The following ARMH3 variants were observed in gnomAD, a reference collection of about 807,000 sequenced individuals.
The protein encoded by ARMH3 is armadillo like helical domain containing 3.
Under a neutral mutation model 99.1 loss-of-function variants are expected in ARMH3, and 60 were observed. The observed-to-expected ratio is 0.61, with a 90% CI of 0.49 to 0.75. The LOEUF (loss-of-function observed/expected upper bound fraction) is 0.75, where lower values mean the gene tolerates loss of function less well. Ranked by LOEUF, ARMH3 falls within the 30% of genes least tolerant of loss-of-function variation. The pLI is 0.00. For synonymous variants in ARMH3, 285 were observed against 292.8 expected, an observed-to-expected ratio of 0.97 and a Z score of 0.27; for missense variants, 679 against 843.1, an observed-to-expected ratio of 0.81 and a Z score of 2.41.
At position 102,025,206 on chromosome 10, in the gene ARMH3, A is replaced by T. The variant is rs1393997613; in HGVS notation, c.457T>A (p.Ser153Thr). The T allele has an allele frequency of 2.5e-6, 4 of 1,613,914 alleles. No individual in the cohort carries two copies. ...AGACATAAACTCTTCAGACTTTCAG[A>T]ACCTTCTGCACAAAGCAATGAATCC... is the stretch of plus-strand genomic sequence containing the variant. ...SLDSLLCAEG[S>T]ESLKSLCLKL... Residue 153 changes from serine (S) to threonine (T), a missense_variant, in exon 6 of 26, where the codon TCT becomes ACT. This residue lies in a region of ARMH3 where 280 missense variants were observed against 354.6 expected (regional missense o/e 0.79). Coordinates refer to ENST00000370033, the MANE Select transcript of ARMH3 (RefSeq NM_024541.3).
chr10:101,861,521 A>G (rs1475284048), intron 24 of ARMH3, among the ~76,000 whole-genome samples: 1 of 151,932 alleles, frequency 6.6e-6, no homozygotes, highest in Non-Finnish European at 1.5e-5. Flanking sequence ...TCACGAGGGC[A>G]GGAGTTTGAG....
intron 24 of ARMH3, among the ~76,000 whole-genome samples, chr10:101,857,030 C>A (rs910047469): frequency 3.9e-5 from 6 of 151,926 alleles, no homozygotes; most frequent in African/African-American, 1.2e-4. Flanking sequence ...AAGTCTGGAC[C>A]ACAAAGTAGG....
Position 101,957,715 on chromosome 10 carries a change from T to C in ARMH3, c.1513A>G (p.Lys505Glu). ...ACAGTCTCATTTGACATAAGGAACT[T>C]CAGCAAATTTATCAAGGCTTTAAAA... ...ELWSALINLL[K>E]FLMSNETVLL... is the part of the protein sequence containing the mutation. The change falls in exon 21 of 26, where the codon AAG becomes GAG. Residue 505 changes from lysine to glutamate, a missense_variant. Lys to Glu is a moderately conservative substitution (Grantham distance 56). Transcript: ENST00000370033. 1 of 1,577,680 alleles carries C rather than the reference T, an allele frequency of 6.3e-7. No homozygotes were observed.
At chr10:102,002,725 C>T (rs1490587642) in intron 14 of ARMH3, among the ~76,000 whole-genome samples, 2 of 151,952 alleles carry the variant, frequency 1.3e-5, no homozygotes, top group Non-Finnish European at 2.9e-5. Flanking sequence ...CTTTGGGAGC[C>T]CGAGTTGGGC....
chr10:102,014,930 T>A (rs1442267938), intron 8 of ARMH3, among the ~76,000 whole-genome samples: 1 of 152,102 alleles, frequency 6.6e-6, no homozygotes, highest in East Asian at 1.9e-4. Context: ...AGACTGGCAG[T>A]TTCTACAGCT....
intron 4 of ARMH3, among the ~76,000 whole-genome samples, chr10:102,030,764 TTTTTG>T (rs540897291): frequency 2.3e-3 from 356 of 152,166 alleles, no homozygotes; most frequent in African/African-American, 8.1e-3. Context: ...TTAACAGTTT[TTTTTG>T]TTTTGTTTTG....
At chr10:101,942,482 T>C (rs1235120051) in intron 22 of ARMH3, among the ~76,000 whole-genome samples, 1 of 152,216 alleles carries the variant, frequency 6.6e-6, no homozygotes, top group Non-Finnish European at 1.5e-5. Flanking sequence ...TCATTTATGG[T>C]TCTGGGTAGC....
intron 20 of ARMH3, among the ~76,000 whole-genome samples, chr10:101,958,485 C>T (rs951760577): frequency 1.3e-5 from 2 of 152,204 alleles, no homozygotes; most frequent in South Asian, 4.1e-4. Context: ...AAGAAGTTAT[C>T]AGTTACCTTA....
At chr10:101,920,103 T>C (rs1266791724) in intron 23 of ARMH3, among the ~76,000 whole-genome samples, 2 of 152,202 alleles carry the variant, frequency 1.3e-5, no homozygotes, top group African/African-American at 4.8e-5. Flanking sequence ...AAAGAGTCAA[T>C]GTGTCACTAA....
At chr10:101,938,586 T>G (rs1564771743) in intron 23 of ARMH3, among the ~76,000 whole-genome samples, 2 of 152,232 alleles carry the variant, frequency 1.3e-5, no homozygotes, top group African/African-American at 4.8e-5. Context: ...CATATGCACT[T>G]CATACCCTAG....
At chr10:101,896,469 C>T (rs1409214796) in intron 23 of ARMH3, among the ~76,000 whole-genome samples, 3 of 152,086 alleles carry the variant, frequency 2.0e-5, no homozygotes, top group Non-Finnish European at 4.4e-5. Context: ...GGGTTTCTTT[C>T]AGGGGGAACA....
chr10:101,987,781 A>G (rs879507673), intron 19 of ARMH3, among the ~76,000 whole-genome samples: 2 of 152,192 alleles, frequency 1.3e-5, no homozygotes, highest in Non-Finnish European at 2.9e-5. Context: ...ACTGAGGCTT[A>G]CCAACAACCA....
At chr10:101,857,383 A>G (rs1406210915) in intron 24 of ARMH3, among the ~76,000 whole-genome samples, 1 of 152,152 alleles carries the variant, frequency 6.6e-6, no homozygotes, top group Non-Finnish European at 1.5e-5. Flanking sequence ...GCTTGAACCC[A>G]AGAGGTTCAG....
At position 101,965,607 on chromosome 10, in the gene ARMH3, G is replaced by A. The variant is rs185603942; in HGVS notation, c.1496-7875C>T. The stretch of plus-strand genomic sequence containing the variant: ...CTGTTTCATCTGTTATACTTAATGA[G>A]GTTCCAAGTACTCTTAACTCTGCAC... On this transcript the variant is annotated intron_variant, in intron 20 of 25. Coordinates refer to ENST00000370033, the MANE Select transcript of ARMH3 (RefSeq NM_024541.3). Among the ~76,000 whole-genome samples the A allele has an allele frequency of 1.4e-4, 21 of 152,224 alleles. No individual in the cohort carries two copies. In the East Asian group the frequency reaches 4.0e-3, roughly 29 times the overall value.
In ARMH3 at chr10:101,915,866, C is replaced by A. The variant is rs992982497; in HGVS notation, c.1781+23997G>T. Among the ~76,000 whole-genome samples the A allele has an allele frequency of 1.0e-4, 15 of 149,766 alleles. 1 individual carries two copies. Among genetic ancestry groups the A allele is most frequent in the African/African-American group, 3.7e-4 (15 of 40,666 alleles). Reference sequence around the variant, plus strand: ...TCACCCAGGTTGGACTGCAGTGGCACTACCTCGGCTCACTGCAAGCTCCAC... The same window carrying A: ...TCACCCAGGTTGGACTGCAGTGGCAATACCTCGGCTCACTGCAAGCTCCAC... On this transcript the variant is annotated intron_variant, in intron 23 of 25. Coordinates refer to ENST00000370033, the MANE Select transcript of ARMH3 (RefSeq NM_024541.3).
intron 8 of ARMH3, among the ~76,000 whole-genome samples, chr10:102,014,643 G>T (rs78064475): frequency 6.6e-6 from 1 of 152,292 alleles, no homozygotes; most frequent in East Asian, 1.9e-4. Context: ...CTGAAAAAAA[G>T]GATGTAATTA....
chr10:102,022,370 T>G (rs2066904373), intron 8 of ARMH3, among the ~76,000 whole-genome samples: 1 of 150,282 alleles, frequency 6.7e-6, no homozygotes, highest in African/African-American at 2.4e-5. Context: ...TGGGCGCCTG[T>G]AGTCCCAGCT....
chr10:101,932,985 G>A lies in ARMH3; in HGVS notation c.1781+6878C>T, dbSNP rs188096881. On this transcript the variant is annotated intron_variant, in intron 23 of 25. Coordinates refer to ENST00000370033, the MANE Select transcript of ARMH3 (RefSeq NM_024541.3). ...GCGGATTACGAGGTCAGGAGATCGA[G>A]ACCATCCTGGCTAACACGGTGAAAC... Among the ~76,000 whole-genome samples, 20 of 152,282 alleles carry A rather than the reference G, an allele frequency of 1.3e-4. No individual in the cohort carries two copies. The East Asian group carries it at 3.9e-3, about 29-fold the overall frequency.
chr10:101,982,010 A>C (rs1296714436), intron 19 of ARMH3, among the ~76,000 whole-genome samples: 1 of 129,334 alleles, frequency 7.7e-6, no homozygotes, highest in Non-Finnish European at 1.6e-5. Context: ...CGACAGAGCG[A>C]GACTCTATCT....
Sources: allele counts gnomAD v4.1 joint callset (sites outside exome capture counted in the v4.1 genomes callset), GRCh38; gene constraint gnomAD v4.1.1; regional missense constraint gnomAD v4.1.1; transcripts MANE v1.5; gene names NCBI Gene and HGNC (gene_info 2026-07-23, HGNC 2026-07-21).